ZNF385D: variants seen among roughly 807,000 people sequenced by gnomAD.
ZNF385D encodes zinc finger protein 385D.
A neutral mutation model predicts 35.8 loss-of-function variants in ZNF385D; 15 were observed. That is an observed-to-expected ratio of 0.42 (90% CI 0.28 to 0.64). ZNF385D has a LOEUF of 0.64. Ranked by LOEUF, ZNF385D falls within the 30% of genes least tolerant of loss-of-function variation. The pLI is 0.23. For missense variants in ZNF385D, 474 were observed against 494.6 expected (o/e 0.96, Z 0.39); for synonymous variants, 212 against 186.8 (o/e 1.13, Z -1.10).
At chr3:21,871,337 C>G (rs1045518287) in intron 3 of ZNF385D, among the ~76,000 whole-genome samples, 4 of 151,306 alleles carry the variant, frequency 2.6e-5, no homozygotes, top group Non-Finnish European at 5.9e-5. Context: ...GCAGACACTC[C>G]TATCATTTAG....
chr3:21,924,256 T>G (rs1014194659), intron 3 of ZNF385D, among the ~76,000 whole-genome samples: 2 of 152,112 alleles, frequency 1.3e-5, no homozygotes, highest in Admixed American at 1.3e-4. Flanking sequence ...CTCTTAAAGG[T>G]GAAGAGAAGA....
At chr3:21,877,912 T>A (rs2125858167) in intron 3 of ZNF385D, 1 of 152,174 alleles carries the variant, frequency 6.6e-6, no homozygotes. Flanking sequence ...TTATCTCTAT[T>A]TTATGTGTTG....
intron 2 of ZNF385D, among the ~76,000 whole-genome samples, chr3:21,630,328 C>G (rs1437439062): frequency 6.6e-6 from 1 of 151,808 alleles, no homozygotes; most frequent in African/African-American, 2.4e-5. Flanking sequence ...GTCTCAGCCT[C>G]CCAAGTAGCT....
At chr3:22,126,638 G>GA (rs1261157151) in intron 3 of ZNF385D, among the ~76,000 whole-genome samples, 6 of 152,150 alleles carry the variant, frequency 3.9e-5, no homozygotes, top group South Asian at 2.1e-4. Flanking sequence ...ATTCTGAGGA[G>GA]AAAAAATGTG....
intron 3 of ZNF385D, among the ~76,000 whole-genome samples, chr3:21,757,558 G>A (rs756331639): frequency 1.3e-5 from 2 of 152,052 alleles, no homozygotes; most frequent in African/African-American, 4.8e-5. Context: ...GGTGGTTGTG[G>A]AATAGCAATG....
At chr3:21,840,698 C>CCAATGGTAG (rs1695610615) in intron 3 of ZNF385D, among the ~76,000 whole-genome samples, 1 of 152,000 alleles carries the variant, frequency 6.6e-6, no homozygotes, top group South Asian at 2.1e-4. Flanking sequence ...TGTTTCCATC[C>CCAATGGTAG]AGTTCTAATA....
intron 3 of ZNF385D, among the ~76,000 whole-genome samples, chr3:21,904,637 AAC>A (rs1250026861): frequency 6.6e-6 from 1 of 152,200 alleles, no homozygotes; most frequent in Non-Finnish European, 1.5e-5. Flanking sequence ...AATGCAGAAT[AAC>A]ACAAATCACA....
At chr3:21,497,635 G>T (rs944977975) in intron 4 of ZNF385D, among the ~76,000 whole-genome samples, 1 of 152,072 alleles carries the variant, frequency 6.6e-6, no homozygotes, top group African/African-American at 2.4e-5. Context: ...ATTCACTTGA[G>T]GCCAGGTGTT....
At chr3:21,731,557 T>G (rs1224703999) in intron 1 of ZNF385D, among the ~76,000 whole-genome samples, 1 of 152,258 alleles carries the variant, frequency 6.6e-6, no homozygotes, top group Admixed American at 6.5e-5. Flanking sequence ...CTCTTGGTGT[T>G]GTACATTATG....
At chr3:21,977,251 T>G (rs941981154) in intron 3 of ZNF385D, among the ~76,000 whole-genome samples, 1 of 152,178 alleles carries the variant, frequency 6.6e-6, no homozygotes, top group African/African-American at 2.4e-5. Context: ...TATGTTTACT[T>G]TGTGGAAATC....
chr3:22,027,871 G>A (rs974277890), intron 3 of ZNF385D, among the ~76,000 whole-genome samples: 3 of 152,112 alleles, frequency 2.0e-5, no homozygotes, highest in African/African-American at 7.2e-5. Flanking sequence ...AGAAGACTAG[G>A]GCCTGGTTCA....
intron 3 of ZNF385D, among the ~76,000 whole-genome samples, chr3:22,035,192 A>C: frequency 6.6e-6 from 1 of 152,216 alleles, no homozygotes; most frequent in East Asian, 1.9e-4. Context: ...TTTGATCGCA[A>C]TTAAAAATAA....
intron 3 of ZNF385D, among the ~76,000 whole-genome samples, chr3:22,015,731 T>C (rs1413180542): frequency 6.6e-6 from 1 of 152,180 alleles, no homozygotes; most frequent in Non-Finnish European, 1.5e-5. Flanking sequence ...TACCATAGTA[T>C]GTTCTTTCAG....
chr3:22,202,488 G>C (rs1449399789), intron 2 of ZNF385D, among the ~76,000 whole-genome samples: 2 of 152,068 alleles, frequency 1.3e-5, no homozygotes, highest in African/African-American at 4.8e-5. Context: ...GATGGAGGCA[G>C]AGCAAGATGG....
chr3:21,845,921 A>G (rs1390019884), intron 3 of ZNF385D, among the ~76,000 whole-genome samples: 1 of 152,016 alleles, frequency 6.6e-6, no homozygotes, highest in Non-Finnish European at 1.5e-5. Flanking sequence ...AAATAAATTA[A>G]TCTTGTTGAT....
At chr3:22,004,206 C>T (rs572214451) in intron 3 of ZNF385D, among the ~76,000 whole-genome samples, 10 of 152,144 alleles carry the variant, frequency 6.6e-5, no homozygotes, top group Non-Finnish European at 1.2e-4. Context: ...GATAGGATAC[C>T]GTCTTCAATA....
At chr3:21,662,514 A>G (rs1235788598) in intron 2 of ZNF385D, among the ~76,000 whole-genome samples, 1 of 152,158 alleles carries the variant, frequency 6.6e-6, no homozygotes, top group Non-Finnish European at 1.5e-5. Flanking sequence ...TTGGGTTTTG[A>G]TTCATATCTG....
intron 1 of ZNF385D, among the ~76,000 whole-genome samples, chr3:21,720,347 A>G (rs1341591443): frequency 6.6e-6 from 1 of 152,224 alleles, no homozygotes; most frequent in Non-Finnish European, 1.5e-5. Flanking sequence ...CCAGCCCAGA[A>G]GTTCTAAACC....
intron 3 of ZNF385D, among the ~76,000 whole-genome samples, chr3:22,157,273 C>A (rs1051796483): frequency 6.6e-6 from 1 of 152,058 alleles, no homozygotes; most frequent in Non-Finnish European, 1.5e-5. Context: ...ATAAGAGAAT[C>A]ACATTAATTA....
Sources: allele counts gnomAD v4.1 joint callset (sites outside exome capture counted in the v4.1 genomes callset), GRCh38; gene constraint gnomAD v4.1.1; transcripts MANE v1.5; gene names NCBI Gene and HGNC (gene_info 2026-07-23, HGNC 2026-07-21).